ME1: variants seen among roughly 807,000 people sequenced by gnomAD.
ME1 encodes NADP-dependent malic enzyme.
A neutral mutation model predicts 66.4 loss-of-function variants in ME1; 74 were observed. The observed-to-expected ratio is 1.11, with a 90% CI of 0.92 to 1.35. ME1 has a LOEUF of 1.35. Among genes scored for constraint, ME1 ranks in the 40% most tolerant of loss-of-function variants. ME1 has a pLI of 0.00. For missense variants in ME1, 750 were observed against 694.1 expected (o/e 1.08, Z -0.90); for synonymous variants, 251 against 235.6 (o/e 1.07, Z -0.60).
intron 6 of ME1, among the ~76,000 whole-genome samples, chr6:83,278,339 T>C (rs1267958725): frequency 6.6e-6 from 1 of 152,246 alleles, no homozygotes; most frequent in Non-Finnish European, 1.5e-5. Context: ...TCATAAGTTT[T>C]ATCTCCAGGA....
At chr6:83,416,425 A>G (rs1264570433) in intron 1 of ME1, among the ~76,000 whole-genome samples, 1 of 152,176 alleles carries the variant, frequency 6.6e-6, no homozygotes, top group African/African-American at 2.4e-5. Flanking sequence ...CTGGTGAAGA[A>G]CCAATTTAGC....
chr6:83,375,218 T>C (rs146719264), intron 3 of ME1, among the ~76,000 whole-genome samples: 200 of 152,324 alleles, frequency 1.3e-3, no homozygotes, highest in African/African-American at 4.6e-3. Context: ...TGATTCTTCC[T>C]ATCCATGAGG....
chr6:83,351,987 T>C, intron 4 of ME1, 77 bp downstream of exon 4: 1 of 783,134 alleles, frequency 1.3e-6, no homozygotes, highest in Non-Finnish European at 2.1e-6. Flanking sequence ...TCATGAGAAT[T>C]GTCAGTATAT....
chr6:83,392,925 G>T, intron 3 of ME1: 1 of 813,752 alleles, frequency 1.2e-6, no homozygotes. Context: ...CTTTGGTACC[G>T]TGGAAGGACT....
At chr6:83,330,531 A>C (rs1004500795) in intron 5 of ME1, among the ~76,000 whole-genome samples, 8 of 152,208 alleles carry the variant, frequency 5.3e-5, no homozygotes, top group African/African-American at 1.9e-4. Flanking sequence ...CATGCCCCTG[A>C]TAATTCTGAA....
chr6:83,240,028 A>G (rs1464644367), intron 7 of ME1, among the ~76,000 whole-genome samples: 1 of 152,118 alleles, frequency 6.6e-6, no homozygotes, highest in Non-Finnish European at 1.5e-5. Flanking sequence ...TTTATGATAT[A>G]AAAGAGTAAT....
chr6:83,281,806 C>CAAAA lies in ME1; in HGVS notation c.705-28072_705-28069dup, dbSNP rs140157932. 2.7e-3 allele frequency among the ~76,000 whole-genome samples: 36 copies of CAAAA among 13,292 alleles called. 1 individual carries two copies. The highest frequency in any genetic ancestry group is 3.9e-3 in the African/African-American group (12 of 3,050). The allele number at this position is 13,292 out of a possible 152,430, so 8.7% of individuals were successfully genotyped here. A position where few individuals can be genotyped will look rare whatever the true frequency, so the allele number is the denominator to read the frequency against. ...GGGTGACAGACTGAGACTCTGTCTC[C>CAAAA]AAAAAAAAAAAAAAAAAAAAAAAAA... On this transcript the variant is annotated intron_variant, in intron 6 of 13. Coordinates refer to ENST00000369705, the MANE Select transcript of ME1 (RefSeq NM_002395.6).
chr6:83,265,725 G>C (rs1766976969), intron 6 of ME1, among the ~76,000 whole-genome samples: 2 of 152,136 alleles, frequency 1.3e-5, no homozygotes, highest in Non-Finnish European at 2.9e-5. Context: ...GTATTCAAAT[G>C]AATATGAATG....
At position 83,357,935 on chromosome 6, in the gene ME1, C is replaced by CTA. The variant is rs60624497; in HGVS notation, c.363-5798_363-5797dup. On this transcript the variant is annotated intron_variant, in intron 3 of 13. Coordinates refer to ENST00000369705, the MANE Select transcript of ME1 (RefSeq NM_002395.6). ...TCTCTCTCTCTCTCTCTCTCTCTCTCTATATATATATATATATATATATAT... is the reference window on the plus strand; with the variant it reads ...TCTCTCTCTCTCTCTCTCTCTCTCTCTATATATATATATATATATATATATAT... Among the ~76,000 whole-genome samples, 168 of 30,014 alleles carry CTA rather than the reference C, an allele frequency of 5.6e-3. 1 individual carries two copies. Among genetic ancestry groups the CTA allele is most frequent in the Admixed American group, 7.2e-3 (10 of 1,380 alleles). 19.7% of individuals were successfully genotyped at this position (30,014 alleles called of 152,430 possible).
intron 3 of ME1, among the ~76,000 whole-genome samples, chr6:83,375,411 T>C (rs1292695240): frequency 6.6e-6 from 1 of 152,034 alleles, no homozygotes; most frequent in Non-Finnish European, 1.5e-5. Context: ...TGTTGGTGTA[T>C]AGGAATGCTT....
At chr6:83,373,459 C>T (rs907580308) in intron 3 of ME1, among the ~76,000 whole-genome samples, 1 of 152,140 alleles carries the variant, frequency 6.6e-6, no homozygotes, top group South Asian at 2.1e-4. Context: ...GTCTCGAACT[C>T]CGCCCACCTC....
chr6:83,339,712 T>C (rs890925961), intron 5 of ME1, among the ~76,000 whole-genome samples: 2 of 53,196 alleles, frequency 3.8e-5, no homozygotes, highest in African/African-American at 1.5e-4. Context: ...CAGTAAACTA[T>C]CGCAAGAACA....
chr6:83,277,694 G>A (rs1023396171), intron 6 of ME1, among the ~76,000 whole-genome samples: 3 of 152,010 alleles, frequency 2.0e-5, no homozygotes, highest in African/African-American at 7.3e-5. Context: ...TTGAGGTCAG[G>A]AGTTCGAGGC....
intron 3 of ME1, among the ~76,000 whole-genome samples, chr6:83,361,378 T>C (rs911090784): frequency 1.3e-5 from 2 of 152,220 alleles, no homozygotes; most frequent in East Asian, 3.8e-4. Context: ...AGGCAACACA[T>C]TCCTCATTTG....
intron 12 of ME1, among the ~76,000 whole-genome samples, chr6:83,221,285 A>G (rs1368167371): frequency 1.3e-5 from 2 of 152,260 alleles, no homozygotes; most frequent in East Asian, 3.8e-4. Context: ...AAAGACAGTC[A>G]TGGCTACGGA....
At chr6:83,298,278 C>G (rs1767640127) in intron 6 of ME1, among the ~76,000 whole-genome samples, 1 of 152,290 alleles carries the variant, frequency 6.6e-6, no homozygotes, top group African/African-American at 2.4e-5. Context: ...GATGGTATCT[C>G]ATTGTGGTTT....
At chr6:83,393,207 C>G in intron 3 of ME1, 1 of 1,175,692 alleles carries the variant, frequency 8.5e-7, no homozygotes, top group Non-Finnish European at 1.3e-6. Flanking sequence ...GTCAGAGGAC[C>G]CCCTCAAAGG....
intron 5 of ME1, among the ~76,000 whole-genome samples, chr6:83,320,261 A>T (rs1399178780): frequency 6.6e-6 from 1 of 152,192 alleles, no homozygotes; most frequent in Non-Finnish European, 1.5e-5. Flanking sequence ...AAACCTTCAG[A>T]TGTTAAGAAT....
Position 83,315,292 on chromosome 6 carries a change from T to C in ME1, c.704+18A>G, listed in dbSNP as rs1314576928. The C allele has an allele frequency of 2.0e-6, 3 of 1,463,482 alleles. No homozygotes were observed. The highest frequency in any genetic ancestry group is 3.5e-5 in the Admixed American group (2 of 56,722). The allele number at this position is 1,463,482 out of a possible 1,614,324, so 90.7% of individuals were successfully genotyped here. On this transcript the variant is annotated intron_variant, in intron 6 of 13. Coordinates refer to ENST00000369705, the MANE Select transcript of ME1 (RefSeq NM_002395.6). ...TTATTGTTACTGACTAAAATATAGG[T>C]TAAATAAAGATACATACTTGGAAGA...
Sources: gnomAD v4.1 joint callset for allele counts (sites outside exome capture counted in the v4.1 genomes callset) on GRCh38, gnomAD v4.1.1 for gene constraint, MANE v1.5 for transcripts, NCBI Gene and HGNC (gene_info 2026-07-23, HGNC 2026-07-21) for gene names.